The following VPS54 variants were observed in gnomAD, a reference collection of about 807,000 sequenced individuals.
VPS54 encodes VPS54 subunit of GARP complex.
In VPS54, 45 loss-of-function variants were observed where a neutral mutation model predicts 121.5. That is an observed-to-expected ratio of 0.37 (90% CI 0.29 to 0.47). The LOEUF (loss-of-function observed/expected upper bound fraction) is 0.47, where lower values mean the gene tolerates loss of function less well. Among genes scored for constraint, VPS54 ranks in the 20% least tolerant of loss-of-function variants. The probability of loss-of-function intolerance (pLI) is 0.99; values close to 1 mark genes in which losing one functional copy is unlikely to be tolerated. For synonymous variants in VPS54, 371 were observed against 385.8 expected (o/e 0.96, Z 0.45); for missense variants, 1,090 against 1,131.4 (o/e 0.96, Z 0.52).
chr2:64,017,588 T>A (rs1010040702), intron 1 of VPS54, among the ~76,000 whole-genome samples: 1 of 152,188 alleles, frequency 6.6e-6, no homozygotes, highest in African/African-American at 2.4e-5. Flanking sequence ...TAACAATACT[T>A]CTACAAGAAC....
At chr2:63,903,000 T>TAACATAACAC (rs1553470000) in intron 20 of VPS54, among the ~76,000 whole-genome samples, 31 of 147,664 alleles carry the variant, frequency 2.1e-4, no homozygotes, top group Non-Finnish European at 3.6e-4. Context: ...TAACATAACA[T>TAACATAACAC]AACACAACAT....
intron 11 of VPS54, among the ~76,000 whole-genome samples, chr2:63,937,646 AC>A (rs1376717821): frequency 6.6e-6 from 1 of 152,192 alleles, no homozygotes; most frequent in Non-Finnish European, 1.5e-5. Context: ...TCTGGGGTTG[AC>A]AAAAATAAGA....
At chr2:63,944,572 AACC>A in intron 10 of VPS54, 25 bp downstream of exon 10, 1 of 1,577,416 alleles carries the variant, frequency 6.3e-7, no homozygotes, top group Non-Finnish European at 8.7e-7. Flanking sequence ...TCTGACTGAT[AACC>A]ACCAACCTAT....
chr2:64,014,138 C>G (rs1678574261), intron 1 of VPS54, among the ~76,000 whole-genome samples: 1 of 152,130 alleles, frequency 6.6e-6, no homozygotes, highest in South Asian at 2.1e-4. Flanking sequence ...AGGCTTACAA[C>G]CCCTATTTCT....
chr2:63,992,508 C>T (rs1456811153), intron 1 of VPS54, among the ~76,000 whole-genome samples: 1 of 152,240 alleles, frequency 6.6e-6, no homozygotes, highest in Non-Finnish European at 1.5e-5. Flanking sequence ...GCCACTGCCA[C>T]GCCTCCTGAT....
At chr2:63,903,341 T>C (rs1436653424) in intron 20 of VPS54, among the ~76,000 whole-genome samples, 1 of 152,190 alleles carries the variant, frequency 6.6e-6, no homozygotes, top group Non-Finnish European at 1.5e-5. Context: ...ATACAGGCTT[T>C]TTCAAACAAA....
Position 63,893,401 on chromosome 2 carries a change from G to C in VPS54, c.*29C>G, listed in dbSNP as rs1672309414. The C allele has an allele frequency of 1.7e-5, 26 of 1,574,044 alleles. No individual in the cohort carries two copies. The highest frequency in any genetic ancestry group is 2.2e-5 in the Non-Finnish European group (25 of 1,143,676). ...TCATAACAAACACATCCCATGGTCA[G>C]ATGAACTACCCAGTTTTCCAGGATG... On this transcript the variant is annotated 3_prime_UTR_variant, in exon 23 of 23. Coordinates refer to ENST00000272322, the MANE Select transcript of VPS54 (RefSeq NM_016516.3).
intron 3 of VPS54, among the ~76,000 whole-genome samples, chr2:63,977,235 C>G (rs1030306872): frequency 2.0e-5 from 3 of 152,244 alleles, no homozygotes; most frequent in South Asian, 2.1e-4. Context: ...TGTCAATTTC[C>G]CTGATTTCTG....
At chr2:63,918,951 T>C (rs754243015) in intron 15 of VPS54, among the ~76,000 whole-genome samples, 21 of 152,104 alleles carry the variant, frequency 1.4e-4, no homozygotes, top group Non-Finnish European at 2.8e-4. Context: ...TAATGGTTAC[T>C]GTTGGTGTTT....
At chr2:63,976,761 A>G (rs1168896042) in intron 3 of VPS54, among the ~76,000 whole-genome samples, 1 of 151,090 alleles carries the variant, frequency 6.6e-6, no homozygotes, top group Non-Finnish European at 1.5e-5. Context: ...TATCCTTTTA[A>G]TGTCTGCAGG....
intron 20 of VPS54, among the ~76,000 whole-genome samples, chr2:63,904,316 G>A (rs1401591125): frequency 6.6e-6 from 1 of 151,630 alleles, no homozygotes; most frequent in Non-Finnish European, 1.5e-5. Flanking sequence ...GCAGGCACCT[G>A]TAATCCCACT....
chr2:63,919,975 C>T lies in VPS54; in HGVS notation c.2072G>A (p.Arg691His), dbSNP rs779279818. 2.2e-5 allele frequency: 35 copies of T among 1,610,988 alleles called. No individual in the cohort carries two copies. The highest frequency in any genetic ancestry group is 1.0e-4 in the Admixed American group (6 of 59,846). The change falls in exon 15 of 23, where the codon CGC (arginine) becomes CAC (histidine). Residue 691 changes from arginine (R) to histidine (H), a missense_variant. Coordinates refer to ENST00000272322, the MANE Select transcript of VPS54 (RefSeq NM_016516.3). ...TGCAGGAACATCTGCTTGCTTCCAGCGCTCATTGTCTAAGAGGAGGCTAGT... is the reference window on the plus strand; with the variant it reads ...TGCAGGAACATCTGCTTGCTTCCAGTGCTCATTGTCTAAGAGGAGGCTAGT... ...TKLSLLLDNE[R>H]WKQADVPAEF...
At chr2:64,003,706 T>C (rs1001752109) in intron 1 of VPS54, among the ~76,000 whole-genome samples, 3 of 152,034 alleles carry the variant, frequency 2.0e-5, no homozygotes, top group African/African-American at 7.3e-5. Flanking sequence ...GAAAAAACAA[T>C]CATCCATTCC....
chr2:63,916,986 G>A (rs1209313412), intron 15 of VPS54, 23 bp from the exon 16 acceptor site: 24 of 1,611,592 alleles, frequency 1.5e-5, no homozygotes, highest in Non-Finnish European at 1.8e-5. Context: ...GCAAATAAAC[G>A]AGAGACAAGA....
At chr2:63,984,048 G>A (rs202135427) in intron 1 of VPS54, 29 bp from the exon 2 acceptor site, 128 of 1,522,648 alleles carry the variant, frequency 8.4e-5, no homozygotes, top group Non-Finnish European at 1.1e-4. Context: ...TACTAATTAA[G>A]ACACCGCAAA....
rs1398488967 is a variant in VPS54 at position 63,966,604 on chromosome 2, CT to C, written c.493-639del. Among the ~76,000 whole-genome samples, 5 of 152,178 alleles carry C rather than the reference CT, an allele frequency of 3.3e-5. No individual in the cohort carries two copies. The East Asian group carries it at 9.6e-4, about 29-fold the overall frequency. On this transcript the variant is annotated intron_variant, in intron 5 of 22. Transcript: ENST00000272322. ...CTGATATCCTTCCCTAATCTATCCC[CT>C]ATACTACTGTTAGAGATACTCCTCT...
intron 12 of VPS54, among the ~76,000 whole-genome samples, chr2:63,931,674 G>A (rs893605601): frequency 6.6e-6 from 1 of 152,228 alleles, no homozygotes; most frequent in Non-Finnish European, 1.5e-5. Context: ...TTAAACGGAA[G>A]AGCTTCTGCA....
chr2:63,899,859 TC>T (rs1279491793), intron 20 of VPS54, among the ~76,000 whole-genome samples: 1 of 152,180 alleles, frequency 6.6e-6, no homozygotes, highest in Non-Finnish European at 1.5e-5. Flanking sequence ...AGATCCCAGC[TC>T]CTCCCATTCT....
At chr2:64,011,240 C>G (rs1678413888) in intron 1 of VPS54, among the ~76,000 whole-genome samples, 1 of 151,934 alleles carries the variant, frequency 6.6e-6, no homozygotes, top group Non-Finnish European at 1.5e-5. Flanking sequence ...TTTTCCCCAG[C>G]ACTCAGAGAA....
Sources: allele counts gnomAD v4.1 joint callset (sites outside exome capture counted in the v4.1 genomes callset), GRCh38; gene constraint gnomAD v4.1.1; transcripts MANE v1.5; gene names NCBI Gene and HGNC (gene_info 2026-07-23, HGNC 2026-07-21).